Variants in PTK7 observed in about 807,000 individuals in gnomAD.
PTK7 encodes inactive tyrosine-protein kinase 7.
In PTK7, 39 loss-of-function variants were observed where a neutral mutation model predicts 116.6. The ratio of observed to expected loss-of-function variants is 0.33; its 90% CI spans 0.26 to 0.44. The LOEUF (loss-of-function observed/expected upper bound fraction) is 0.44. PTK7 is among the 20% of genes least tolerant of loss of function. PTK7 has a pLI of 1.00. For synonymous variants in PTK7, 546 were observed against 563.6 expected, an observed-to-expected ratio of 0.97 and a Z score of 0.44; for missense variants, 1,169 against 1,425.6, an observed-to-expected ratio of 0.82 and a Z score of 2.90.
chr6:43,121,549 A>G (rs1167905504), intron 1 of PTK7, among the ~76,000 whole-genome samples: 2 of 150,378 alleles, frequency 1.3e-5, no homozygotes, highest in Non-Finnish European at 3.0e-5. Flanking sequence ...CTGGGAAGAC[A>G]GAAGGGGAGC....
At chr6:43,114,575 T>C (rs1341035307) in intron 1 of PTK7, among the ~76,000 whole-genome samples, 1 of 152,118 alleles carries the variant, frequency 6.6e-6, no homozygotes, top group Non-Finnish European at 1.5e-5. Context: ...TTCCAGACCC[T>C]GACTGAAAGA....
At chr6:43,106,904 C>A (rs1425154839) in intron 1 of PTK7, among the ~76,000 whole-genome samples, 2 of 146,144 alleles carry the variant, frequency 1.4e-5, no homozygotes, top group African/African-American at 2.6e-5. Flanking sequence ...GTGTGAGCCA[C>A]CATGCCCAGC....
Position 43,145,145 on chromosome 6 carries a change from A to C in PTK7, c.2408-55A>C. 9.4e-6 allele frequency: 14 copies of C among 1,491,620 alleles called. No homozygotes were observed. The highest frequency in any genetic ancestry group is 4.6e-5 in the East Asian group (2 of 43,936). The allele number at this position is 1,491,620 out of a possible 1,614,324, so 92.4% of individuals were successfully genotyped here. A position where few individuals can be genotyped will look rare whatever the true frequency, so the allele number is the denominator to read the frequency against. On this transcript the variant is annotated intron_variant, in intron 15 of 19. Coordinates refer to ENST00000230419, the MANE Select transcript of PTK7 (RefSeq NM_002821.5). The surrounding 1 kb of genome is among the most constrained non-coding windows in gnomAD (Gnocchi z 4.8). ...AGAGGCTAGGCCCCTCCCCCAGGTCAGGAGCTGCCTCGGCCTGGGTGAAGG... is the reference window on the plus strand; with the variant it reads ...AGAGGCTAGGCCCCTCCCCCAGGTCCGGAGCTGCCTCGGCCTGGGTGAAGG...
At chr6:43,103,496 G>A (rs1474112789) in intron 1 of PTK7, among the ~76,000 whole-genome samples, 2 of 151,706 alleles carry the variant, frequency 1.3e-5, no homozygotes, top group Non-Finnish European at 2.9e-5. Flanking sequence ...TATAAAAAAT[G>A]TGTGCTCCCT....
chr6:43,108,283 C>T (rs896387317), intron 1 of PTK7, among the ~76,000 whole-genome samples: 8 of 150,274 alleles, frequency 5.3e-5, no homozygotes, highest in Admixed American at 3.3e-4. Flanking sequence ...TTAGTAGAGA[C>T]GGGGTTTCCC....
At chr6:43,157,672 G>C (rs1166136170) in intron 17 of PTK7, among the ~76,000 whole-genome samples, 1 of 151,920 alleles carries the variant, frequency 6.6e-6, no homozygotes, top group Non-Finnish European at 1.5e-5. Context: ...CTTGAGGTTA[G>C]ATATTTGAGA....
chr6:43,135,926 C>T (rs1048993150), intron 7 of PTK7, among the ~76,000 whole-genome samples: 4 of 152,172 alleles, frequency 2.6e-5, no homozygotes, highest in East Asian at 1.9e-4. Flanking sequence ...CAGTGGCTCA[C>T]GCCTTGTAAT....
rs535372843 is a variant in PTK7, at chr6:43,094,906, G to A, written c.79+18339G>A. ...CTGAAAATACAAAAATTAGCCAGGC[G>A]TGGTTGTGGGCACCTGTAGTCCCAG... On this transcript the variant is annotated intron_variant, in intron 1 of 19. Coordinates refer to ENST00000230419, the MANE Select transcript of PTK7 (RefSeq NM_002821.5). Among the ~76,000 whole-genome samples the A allele has an allele frequency of 8.6e-5, 13 of 151,606 alleles. No individual in the cohort carries two copies. The South Asian group carries it at 2.7e-3, about 32-fold the overall frequency.
chr6:43,113,722 T>G (rs915311221), intron 1 of PTK7, among the ~76,000 whole-genome samples: 4 of 152,204 alleles, frequency 2.6e-5, no homozygotes, highest in African/African-American at 9.6e-5. Context: ...TGCTGTTGTC[T>G]CACTCCTGGC....
chr6:43,122,502 TG>T lies in PTK7; in HGVS notation c.80-6474del, dbSNP rs763755805. Among the ~76,000 whole-genome samples the T allele has an allele frequency of 2.0e-4, 31 of 152,298 alleles. 1 individual carries two copies. In the East Asian group the frequency reaches 2.1e-3, roughly 10 times the overall value. On this transcript the variant is annotated intron_variant, in intron 1 of 19. Transcript: ENST00000230419. ...GGCAAACCTCTCCCTTGGGGGTCTATGTATGCCCTACAGGAGCCACCCACCT... is the reference window on the plus strand; with the variant it reads ...GGCAAACCTCTCCCTTGGGGGTCTATTATGCCCTACAGGAGCCACCCACCT...
intron 1 of PTK7, among the ~76,000 whole-genome samples, chr6:43,114,504 GTACCCCCTGGAA>G (rs1403819357): frequency 6.6e-6 from 1 of 151,604 alleles, no homozygotes; most frequent in Non-Finnish European, 1.5e-5. Flanking sequence ...TCCGTAAGAG[GTACCCCCTGGAA>G]TGGGGGCACA....
Position 43,129,873 on chromosome 6 carries a change from A to G in PTK7, c.470+44A>G. On this transcript the variant is annotated intron_variant, in intron 3 of 19. Transcript: ENST00000230419. This position sits in a 1 kb window ranked among gnomAD's most constrained non-coding sequence, Gnocchi z 4.5. ...GGGGATGAAGAGGGTTATTCCGGACAGGGATGTCTCCCCAAATCTTGGACT... is the reference window on the plus strand; with the variant it reads ...GGGGATGAAGAGGGTTATTCCGGACGGGGATGTCTCCCCAAATCTTGGACT... The G allele has an allele frequency of 6.4e-7, 1 of 1,573,730 alleles. No homozygotes were observed.
intron 1 of PTK7, among the ~76,000 whole-genome samples, chr6:43,117,154 T>G (rs1279504598): frequency 6.6e-6 from 1 of 152,036 alleles, no homozygotes; most frequent in Non-Finnish European, 1.5e-5. Flanking sequence ...ACAGCTCTGT[T>G]CCGCCACCTG....
At chr6:43,136,456 G>T (rs1770050323) in intron 7 of PTK7, among the ~76,000 whole-genome samples, 1 of 152,208 alleles carries the variant, frequency 6.6e-6, no homozygotes, top group Admixed American at 6.5e-5. Context: ...TATCGGCTGG[G>T]TGTACACGTT....
intron 1 of PTK7, among the ~76,000 whole-genome samples, chr6:43,078,901 T>C (rs1189047089): frequency 2.0e-5 from 3 of 152,232 alleles, no homozygotes; most frequent in African/African-American, 7.2e-5. Context: ...AGTCGTCATG[T>C]TCTGGGATAG....
At chr6:43,131,891 T>G in intron 5 of PTK7, 125 bp from the exon 6 acceptor site, 2 of 1,319,490 alleles carry the variant, frequency 1.5e-6, no homozygotes, top group Non-Finnish European at 2.1e-6. Context: ...CTTCCTTCTC[T>G]CTGCCCTGTT....
At chr6:43,106,883 T>G (rs939469847) in intron 1 of PTK7, among the ~76,000 whole-genome samples, 4 of 150,428 alleles carry the variant, frequency 2.7e-5, no homozygotes, top group Non-Finnish European at 5.9e-5. Flanking sequence ...CCCAAAGTGC[T>G]GGGATTACAG....
intron 19 of PTK7, 22 bp downstream of exon 19, chr6:43,159,988 G>A: frequency 1.9e-6 from 3 of 1,605,646 alleles, no homozygotes; most frequent in Non-Finnish European, 2.6e-6. Context: ...TGCTGCTAGG[G>A]GATGATTCCA....
At chr6:43,109,646 G>C (rs1337940785) in intron 1 of PTK7, among the ~76,000 whole-genome samples, 2 of 151,776 alleles carry the variant, frequency 1.3e-5, no homozygotes, top group Admixed American at 1.3e-4. Context: ...TCATTTGATG[G>C]GTAGAACTCG....
Sources: allele counts gnomAD v4.1 joint callset (sites outside exome capture counted in the v4.1 genomes callset), GRCh38; gene constraint gnomAD v4.1.1; non-coding constraint Gnocchi (gnomAD v3.1); transcripts MANE v1.5; gene names NCBI Gene and HGNC (gene_info 2026-07-23, HGNC 2026-07-21).